Variants in DLGAP1 observed in about 807,000 individuals in gnomAD.
DLGAP1 encodes DLG associated protein 1.
A neutral mutation model predicts 90.8 loss-of-function variants in DLGAP1; 11 were observed. The ratio of observed to expected loss-of-function variants is 0.12; its 90% CI spans 0.08 to 0.20. The LOEUF is 0.20. Among genes scored for constraint, DLGAP1 ranks in the 10% least tolerant of loss-of-function variants. DLGAP1 has a pLI of 1.00. For missense variants in DLGAP1, 1,050 were observed against 1,333.8 expected, an observed-to-expected ratio of 0.79 and a Z score of 3.31; for synonymous variants, 558 against 540.7, an observed-to-expected ratio of 1.03 and a Z score of -0.44.
chr18:3,704,664 ATCT>A (rs1238689971), intron 7 of DLGAP1, among the ~76,000 whole-genome samples: 1 of 151,672 alleles, frequency 6.6e-6, no homozygotes, highest in East Asian at 1.9e-4. Context: ...TTTTTTTTAA[ATCT>A]TCTTAAACAA....
intron 1 of DLGAP1, among the ~76,000 whole-genome samples, chr18:4,419,957 A>G (rs1333408289): frequency 6.6e-6 from 1 of 152,206 alleles, no homozygotes; most frequent in Non-Finnish European, 1.5e-5. Flanking sequence ...ATATGTACAG[A>G]CAGGTCAAAT....
intron 3 of DLGAP1, among the ~76,000 whole-genome samples, chr18:3,895,216 C>G (rs1426226401): frequency 6.6e-6 from 1 of 151,250 alleles, no homozygotes; most frequent in African/African-American, 2.4e-5. Context: ...ATGGCAAAAT[C>G]ATGATGGTTT....
chr18:3,629,197 C>T (rs2058426350), intron 7 of DLGAP1, among the ~76,000 whole-genome samples: 1 of 151,072 alleles, frequency 6.6e-6, no homozygotes, highest in African/African-American at 2.4e-5. Context: ...TTTGGGAGGC[C>T]AAGACAGGAG....
chr18:4,158,968 C>T (rs967076723), intron 1 of DLGAP1, among the ~76,000 whole-genome samples: 4 of 152,072 alleles, frequency 2.6e-5, no homozygotes, highest in Admixed American at 1.3e-4. Flanking sequence ...AAAAGAACCA[C>T]TTGTTAGGCC....
At chr18:4,402,569 A>T (rs1423545162) in intron 1 of DLGAP1, among the ~76,000 whole-genome samples, 1 of 152,214 alleles carries the variant, frequency 6.6e-6, no homozygotes, top group Non-Finnish European at 1.5e-5. Flanking sequence ...GACATTTTCA[A>T]GGTCACTTGG....
At chr18:3,888,094 T>C (rs1487061177) in intron 3 of DLGAP1, among the ~76,000 whole-genome samples, 1 of 108,710 alleles carries the variant, frequency 9.2e-6, no homozygotes, top group Non-Finnish European at 1.7e-5. Flanking sequence ...GACAACAGAG[T>C]GAGACTCCAT....
At chr18:3,627,119 T>A (rs915516671) in intron 7 of DLGAP1, among the ~76,000 whole-genome samples, 4 of 152,286 alleles carry the variant, frequency 2.6e-5, no homozygotes, top group African/African-American at 7.2e-5. Flanking sequence ...AATTTTTTTT[T>A]AATAGAGATG....
At chr18:3,515,545 A>G (rs1382787083) in intron 10 of DLGAP1, among the ~76,000 whole-genome samples, 19 of 151,666 alleles carry the variant, frequency 1.3e-4, no homozygotes, top group Non-Finnish European at 2.9e-5. Flanking sequence ...TTGGGAGGCC[A>G]AGATAGGAGG....
intron 3 of DLGAP1, among the ~76,000 whole-genome samples, chr18:3,901,858 A>G (rs2071790663): frequency 6.6e-6 from 1 of 152,198 alleles, no homozygotes; most frequent in Non-Finnish European, 1.5e-5. Flanking sequence ...GAGCTGAAGG[A>G]GAAGTCTAAT....
chr18:4,062,135 G>T (rs891732977), intron 2 of DLGAP1, among the ~76,000 whole-genome samples: 1 of 152,092 alleles, frequency 6.6e-6, no homozygotes, highest in African/African-American at 2.4e-5. Flanking sequence ...ACAAAATTTG[G>T]AGCATATTTC....
intron 3 of DLGAP1, among the ~76,000 whole-genome samples, chr18:3,974,160 C>T (rs1034855123): frequency 3.9e-5 from 6 of 152,018 alleles, no homozygotes; most frequent in Admixed American, 6.5e-5. Flanking sequence ...CTGCAACCTC[C>T]GCCTCCTGGG....
chr18:3,857,202 C>T (rs1196297164), intron 4 of DLGAP1, among the ~76,000 whole-genome samples: 2 of 152,092 alleles, frequency 1.3e-5, no homozygotes, highest in Non-Finnish European at 2.9e-5. Context: ...GAATTACTTG[C>T]ATTACTTTCT....
chr18:4,243,603 TACAAA>T (rs1463023847), intron 1 of DLGAP1, among the ~76,000 whole-genome samples: 2 of 152,188 alleles, frequency 1.3e-5, no homozygotes, highest in African/African-American at 4.8e-5. Flanking sequence ...CAAATTTGAA[TACAAA>T]ACAAAACAAT....
At chr18:4,089,040 T>C (rs972468611) in intron 2 of DLGAP1, among the ~76,000 whole-genome samples, 2 of 152,198 alleles carry the variant, frequency 1.3e-5, no homozygotes, top group African/African-American at 2.4e-5. Flanking sequence ...CATGATCCTA[T>C]ATCTAGAAAA....
intron 2 of DLGAP1, among the ~76,000 whole-genome samples, chr18:4,147,569 T>TCTTC (rs1462856693): frequency 2.2e-5 from 3 of 138,016 alleles, no homozygotes; most frequent in African/African-American, 5.6e-5. Context: ...GTTCATCCAT[T>TCTTC]CTTCCATCCA....
intron 3 of DLGAP1, among the ~76,000 whole-genome samples, chr18:3,998,247 G>A (rs2315254): frequency 0.95 from 144,937 of 152,188 alleles, 69,016 homozygotes; most frequent in East Asian, 1. Flanking sequence ...GGGAAGTTAG[G>A]AAAAATGTTT....
At chr18:3,976,236 T>A (rs2073576318) in intron 3 of DLGAP1, among the ~76,000 whole-genome samples, 1 of 146,626 alleles carries the variant, frequency 6.8e-6, no homozygotes, top group Admixed American at 6.8e-5. Flanking sequence ...ATTAGCCAGG[T>A]GTGGTGGTGC....
At chr18:4,116,264 G>A (rs34660882) in intron 2 of DLGAP1, among the ~76,000 whole-genome samples, 15,843 of 152,134 alleles carry the variant, frequency 0.1, 989 homozygotes, top group East Asian at 0.18. Context: ...CAAGTGGTGA[G>A]TCATTTCTTT....
chr18:4,174,315 T>C (rs1362285969), intron 1 of DLGAP1, among the ~76,000 whole-genome samples: 2 of 151,866 alleles, frequency 1.3e-5, no homozygotes, highest in Non-Finnish European at 2.9e-5. Context: ...TTAACTTCAT[T>C]GTTTTTATTT....
Sources: allele counts gnomAD v4.1 joint callset (sites outside exome capture counted in the v4.1 genomes callset), GRCh38; gene constraint gnomAD v4.1.1; transcripts MANE v1.5; gene names NCBI Gene and HGNC (gene_info 2026-07-23, HGNC 2026-07-21).